THEMIS: variants seen among roughly 807,000 people sequenced by gnomAD.
THEMIS encodes thymocyte selection associated.
A neutral mutation model predicts 52.6 loss-of-function variants in THEMIS; 37 were observed. That is an observed-to-expected ratio of 0.70 (90% CI 0.54 to 0.93). The LOEUF (loss-of-function observed/expected upper bound fraction) is 0.93. THEMIS is among the 40% of genes least tolerant of loss of function. THEMIS has a pLI of 0.00. For missense variants in THEMIS, 808 were observed against 763.1 expected (o/e 1.06, Z -0.69); for synonymous variants, 292 against 272.7 (o/e 1.07, Z -0.70).
intron 3 of THEMIS, among the ~76,000 whole-genome samples, chr6:127,824,796 G>T (rs781481358): frequency 1.3e-5 from 2 of 152,112 alleles, no homozygotes; most frequent in East Asian, 1.9e-4. Context: ...CGGGTGGCAG[G>T]CGCCTGTAGT....
intron 4 of THEMIS, among the ~76,000 whole-genome samples, chr6:127,799,903 TAA>T (rs1204832888): frequency 6.6e-6 from 1 of 152,218 alleles, no homozygotes; most frequent in Non-Finnish European, 1.5e-5. Flanking sequence ...TGACAAGTTA[TAA>T]GTGACCAATT....
the THEMIS span, among the ~76,000 whole-genome samples, chr6:127,696,631 G>A: frequency 6.6e-6 from 1 of 152,124 alleles, no homozygotes; most frequent in African/African-American, 2.4e-5. Flanking sequence ...CATTTCCTGG[G>A]GGGTTTGAAT....
chr6:127,733,641 C>T (rs1774886513), intron 4 of THEMIS, among the ~76,000 whole-genome samples: 1 of 152,166 alleles, frequency 6.6e-6, no homozygotes, highest in African/African-American at 2.4e-5. Flanking sequence ...AACCAGACTT[C>T]AGGTAACTCC....
At chr6:127,722,443 C>T (rs1487748207) in intron 4 of THEMIS, among the ~76,000 whole-genome samples, 1 of 151,932 alleles carries the variant, frequency 6.6e-6, no homozygotes, top group Non-Finnish European at 1.5e-5. Context: ...TCCACTAACC[C>T]TCAATTCTCT....
rs1324993921 is a variant in THEMIS, at chr6:127,836,503, TA to T, written c.251-6570del. Among the ~76,000 whole-genome samples, 6 of 152,292 alleles carry T rather than the reference TA, an allele frequency of 3.9e-5. No homozygotes were observed. In the South Asian group the frequency reaches 8.3e-4, roughly 21 times the overall value. On this transcript the variant is annotated intron_variant, in intron 2 of 5. Coordinates refer to ENST00000368248, the MANE Select transcript of THEMIS (RefSeq NM_001010923.3). ...GTTACCCATGGTTATACAAAACAATTAAAAATCAGTTTACATTAAATTCAAA... is the reference window on the plus strand; with the variant it reads ...GTTACCCATGGTTATACAAAACAATTAAAATCAGTTTACATTAAATTCAAA...
downstream of THEMIS, among the ~76,000 whole-genome samples, chr6:127,703,075 T>A (rs1391265466): frequency 1.7e-5 from 2 of 114,962 alleles, no homozygotes; most frequent in East Asian, 2.5e-4. Context: ...TGAGACGGAG[T>A]CTCGCTCTGT....
At chr6:127,786,905 A>C (rs2114505365) in intron 4 of THEMIS, among the ~76,000 whole-genome samples, 1 of 152,326 alleles carries the variant, frequency 6.6e-6, no homozygotes, top group Middle Eastern at 3.4e-3. Context: ...GAAAACCAGC[A>C]GCCTTGCAAT....
intron 1 of THEMIS, among the ~76,000 whole-genome samples, chr6:127,897,060 A>G (rs1780989890): frequency 1.3e-5 from 2 of 151,468 alleles, no homozygotes; most frequent in Non-Finnish European, 3.0e-5. Context: ...TGATAGAGAA[A>G]AGGCAGCTTT....
chr6:127,787,844 GACAGATAT>G (rs1777010782), intron 4 of THEMIS, among the ~76,000 whole-genome samples: 5 of 112,144 alleles, frequency 4.5e-5, no homozygotes, highest in African/African-American at 1.8e-4. Context: ...GATAGAGATA[GACAGATAT>G]AGATAGATAG....
intron 4 of THEMIS, among the ~76,000 whole-genome samples, chr6:127,746,842 T>A (rs1583226546): frequency 2.1e-5 from 1 of 46,616 alleles, no homozygotes; most frequent in African/African-American, 9.9e-5. Flanking sequence ...AATTATATTA[T>A]ATATAATTAT....
At position 127,886,824 on chromosome 6, in the gene THEMIS, C is replaced by T. The variant is rs535469754; in HGVS notation, c.91+14018G>A. Among the ~76,000 whole-genome samples the T allele has an allele frequency of 2.0e-5, 3 of 152,220 alleles. No individual in the cohort carries two copies. In the East Asian group the frequency reaches 5.8e-4, roughly 29 times the overall value. On this transcript the variant is annotated intron_variant, in intron 1 of 5. Coordinates refer to ENST00000368248, the MANE Select transcript of THEMIS (RefSeq NM_001010923.3). ...GAACTCTGCCCTATACTGCTGTTTT[C>T]CTTTGCTGACTATCTTTTCTCTGGA...
At chr6:127,873,484 G>A (rs1780217786) in intron 1 of THEMIS, among the ~76,000 whole-genome samples, 1 of 152,134 alleles carries the variant, frequency 6.6e-6, no homozygotes, top group African/African-American at 2.4e-5. Flanking sequence ...CCCAAAAACA[G>A]CGCCACAGAA....
chr6:127,766,078 C>T (rs933908667), intron 4 of THEMIS, among the ~76,000 whole-genome samples: 9 of 152,090 alleles, frequency 5.9e-5, no homozygotes, highest in African/African-American at 2.2e-4. Flanking sequence ...AAAGCATCTG[C>T]ACTCCTGACT....
At chr6:127,753,460 G>T (rs1775716156) in intron 4 of THEMIS, among the ~76,000 whole-genome samples, 1 of 151,882 alleles carries the variant, frequency 6.6e-6, no homozygotes. Context: ...CCAAGTATGT[G>T]AAAGATCTGT....
intron 5 of THEMIS, among the ~76,000 whole-genome samples, chr6:127,718,830 G>T (rs920345896): frequency 6.6e-6 from 1 of 151,952 alleles, no homozygotes. Context: ...TTTTATAGGA[G>T]TGTCAGAAGC....
chr6:127,766,277 C>T (rs554364581), intron 4 of THEMIS, among the ~76,000 whole-genome samples: 97 of 152,252 alleles, frequency 6.4e-4, no homozygotes, highest in Non-Finnish European at 1.2e-3. Flanking sequence ...AAGTGAATTT[C>T]GCACATTCCA....
At position 127,858,957 on chromosome 6, in the gene THEMIS, C is replaced by T. The variant is rs746084357; in HGVS notation, c.92-3769G>A. ...GTAATGCTACTTTGCTCAATAAAAA[C>T]GACACATTAATATCCTTTTATGAGC... On this transcript the variant is annotated intron_variant, in intron 1 of 5. Transcript: ENST00000368248. Among the ~76,000 whole-genome samples the T allele has an allele frequency of 5.9e-4, 90 of 152,064 alleles. 1 individual carries two copies. The highest frequency in any genetic ancestry group is 2.3e-3 in the South Asian group (11 of 4,834).
At chr6:127,734,981 A>G (rs542129697) in intron 4 of THEMIS, among the ~76,000 whole-genome samples, 20 of 140,184 alleles carry the variant, frequency 1.4e-4, no homozygotes, top group African/African-American at 3.2e-4. Flanking sequence ...ATGTGTGTGT[A>G]TATATATATA....
chr6:127,902,337 A>AT (rs796364893), upstream of THEMIS, among the ~76,000 whole-genome samples: 105 of 148,064 alleles, frequency 7.1e-4, no homozygotes, highest in African/African-American at 1.9e-3. Context: ...AAAAAAAAAA[A>AT]AAAAAAAATA....
Sources: allele counts gnomAD v4.1 joint callset (sites outside exome capture counted in the v4.1 genomes callset), GRCh38; gene constraint gnomAD v4.1.1; transcripts MANE v1.5; gene names NCBI Gene and HGNC (gene_info 2026-07-23, HGNC 2026-07-21).